Variants in SNX32 observed in about 807,000 individuals in gnomAD.
The protein encoded by SNX32 is sorting nexin-32.
SNX32 carries 58 observed loss-of-function variants against 57.0 expected under a neutral mutation model. That is an observed-to-expected ratio of 1.02 (90% CI 0.82 to 1.27). SNX32 has a LOEUF of 1.27. Ranked by LOEUF, SNX32 falls within the 50% of genes most tolerant of loss-of-function variation. The probability of loss-of-function intolerance (pLI) is 0.00; values close to 1 mark genes in which losing one functional copy is unlikely to be tolerated. For synonymous variants in SNX32, 262 were observed against 220.4 expected (o/e 1.19, Z -1.67); for missense variants, 589 against 541.2 (o/e 1.09, Z -0.88).
chr11:65,852,875 C>T lies in SNX32; in HGVS notation c.1075C>T (p.Leu359Phe), dbSNP rs1859258024. The change falls in exon 12 of 13, where the codon CTC becomes TTC. Residue 359 changes from leucine (L) to phenylalanine (F), a missense_variant and splice_region_variant. Physicochemically the swap from Leu to Phe is conservative, Grantham distance 22. Transcript: ENST00000308342. ...ERLSDSAKQELMDFKSRRVSS... is the reference protein window; with the variant it reads ...ERLSDSAKQEFMDFKSRRVSS... ...ATGCCTCTTCCCCTCCTCTCCAGAG[C>T]TCATGGACTTCAAGTCCCGCCGGGT... 5 of 1,614,036 alleles carry T rather than the reference C, an allele frequency of 3.1e-6. No homozygotes were observed. Among genetic ancestry groups the T allele is most frequent in the Non-Finnish European group, 4.2e-6 (5 of 1,179,986 alleles).
At chr11:65,845,202 G>A (rs1256203237) in intron 1 of SNX32, among the ~76,000 whole-genome samples, 1 of 151,360 alleles carries the variant, frequency 6.6e-6, no homozygotes, top group African/African-American at 2.4e-5. Flanking sequence ...CACTTTGGGA[G>A]GCCGAGGCGG....
chr11:65,844,974 A>C (rs1288877328), intron 1 of SNX32, among the ~76,000 whole-genome samples: 2 of 151,152 alleles, frequency 1.3e-5, no homozygotes, highest in Non-Finnish European at 3.0e-5. Context: ...TCAAAAAAAA[A>C]AAAAAAAGTC....
In SNX32 at chr11:65,853,311, T is replaced by C; in HGVS notation, c.1188T>C (p.Leu396=). 6.2e-7 allele frequency: 1 copy of C among 1,614,076 alleles called. No homozygotes were observed. The highest frequency in any genetic ancestry group is 8.5e-7 in the Non-Finnish European group (1 of 1,179,990). The change falls in exon 13 of 13, where the codon CTT becomes CTC. Residue 396 remains leucine, a synonymous_variant. Coordinates refer to ENST00000308342, the MANE Select transcript of SNX32 (RefSeq NM_152760.3). ...KASTLILRNT[L]VALKGEP Reference sequence around the variant, plus strand: ...GCACCCTGATTCTCCGGAACACCCTTGTTGCCCTAAAGGGGGAGCCTTAGA... The same window carrying C: ...GCACCCTGATTCTCCGGAACACCCTCGTTGCCCTAAAGGGGGAGCCTTAGA...
At chr11:65,849,839 G>A in intron 2 of SNX32, 81 bp from the exon 3 acceptor site, 2 of 1,143,766 alleles carry the variant, frequency 1.7e-6, no homozygotes, top group East Asian at 5.0e-5. Context: ...GGGATGAGGG[G>A]GGCCCAAAAG....
chr11:65,834,136 C>G, intron 1 of SNX32, 35 bp downstream of exon 1: 1 of 1,548,296 alleles, frequency 6.5e-7, no homozygotes, highest in Non-Finnish European at 8.7e-7. Context: ...CCCCAGCCTC[C>G]CCTCACTCCA....
At chr11:65,839,215 ATTTTTTTGTATT>A (rs1858753433) in intron 1 of SNX32, among the ~76,000 whole-genome samples, 1 of 19,514 alleles carries the variant, frequency 5.1e-5, no homozygotes, top group Non-Finnish European at 1.2e-4. Context: ...CGCCCAGCTA[ATTTTTTTGTATT>A]TTTTTTTTTT....
chr11:65,849,528 G>A lies in SNX32; in HGVS notation c.87G>A (p.Glu29=), dbSNP rs145234691. 4.2e-5 allele frequency: 67 copies of A among 1,614,208 alleles called. 1 individual carries two copies. The African/African-American group carries it at 7.1e-4, about 17-fold the overall frequency. ...AGGGAGACAGCTCCTTACAGGTGGA[G>A]ATTTCTGACGCAGTGAGTGAGCGGG... is the stretch of plus-strand genomic sequence containing the variant. ...DLQGDSSLQV[E]ISDAVSERDK... The change falls in exon 2 of 13, where the codon GAG becomes GAA. Residue 29 remains glutamate (E), a synonymous_variant. Transcript: ENST00000308342.
chr11:65,852,826 ATGCCC>A, intron 11 of SNX32, 37 bp downstream of exon 11: 1 of 1,612,044 alleles, frequency 6.2e-7, no homozygotes, highest in Non-Finnish European at 8.5e-7. Context: ...CTGGGGCCAC[ATGCCC>A]TGCCCTGCCC....
At chr11:65,849,748 C>T (rs1267697397) in intron 2 of SNX32, 166 bp downstream of exon 2, 1 of 767,902 alleles carries the variant, frequency 1.3e-6, no homozygotes, top group East Asian at 2.7e-5. Context: ...TGCCTAAGGC[C>T]CCGAGTCCTA....
At chr11:65,838,295 T>C (rs1408705575) in intron 1 of SNX32, among the ~76,000 whole-genome samples, 5 of 152,162 alleles carry the variant, frequency 3.3e-5, no homozygotes, top group Non-Finnish European at 7.3e-5. Flanking sequence ...CAATCCTAAA[T>C]TTATAGGCAC....
chr11:65,847,843 G>C (rs1362813637), intron 1 of SNX32, among the ~76,000 whole-genome samples: 5 of 151,808 alleles, frequency 3.3e-5, no homozygotes, highest in African/African-American at 1.2e-4. Context: ...TTGGGAGGCA[G>C]AGTTTGCAGT....
At chr11:65,841,497 C>G (rs1401509416) in intron 1 of SNX32, among the ~76,000 whole-genome samples, 1 of 152,114 alleles carries the variant, frequency 6.6e-6, no homozygotes, top group Non-Finnish European at 1.5e-5. Flanking sequence ...CTCAGCCTTC[C>G]AAAGTGCTGG....
At position 65,850,861 on chromosome 11, in the gene SNX32, C is replaced by A. The variant is rs2510029; in HGVS notation, c.603+6C>A. 6.2e-7 allele frequency: 1 copy of A among 1,610,042 alleles called. No homozygotes were observed. Among genetic ancestry groups the A allele is most frequent in the South Asian group, 1.1e-5 (1 of 90,788 alleles). ...CGGGCATGTCAGGGCTCAAGGTAAC[C>A]CCTGGTGCTCCTCTCCGGATTCAAC... On this transcript the variant is annotated splice_donor_region_variant and intron_variant, in intron 6 of 12. Transcript: ENST00000308342.
chr11:65,851,415 C>A lies in SNX32; in HGVS notation c.785+12C>A. The A allele has an allele frequency of 6.2e-7, 1 of 1,613,734 alleles. No homozygotes were observed. On this transcript the variant is annotated intron_variant, in intron 8 of 12. Coordinates refer to ENST00000308342, the MANE Select transcript of SNX32 (RefSeq NM_152760.3). ...AACCAGCTAAGGACGTGAGGACTCC[C>A]CCCACCCCTACCCTCTCCCTGTGCC...
At chr11:65,840,803 CA>C (rs11375479) in intron 1 of SNX32, among the ~76,000 whole-genome samples, 387 of 132,082 alleles carry the variant, frequency 2.9e-3, no homozygotes, top group Admixed American at 8.1e-3. Context: ...GACCCTGTCT[CA>C]AAAAAAAAAA....
Position 65,853,087 on chromosome 11 carries a change from G to A in SNX32, c.1158+129G>A, listed in dbSNP as rs1051113042. ...TGTATGCGCGTGTGTGTGCATGAGA[G>A]GAGCCCCAGCTAAGGCTTGGGGCCA... On this transcript the variant is annotated intron_variant, in intron 12 of 12. Coordinates refer to ENST00000308342, the MANE Select transcript of SNX32 (RefSeq NM_152760.3). 8 of 1,276,458 alleles carry A rather than the reference G, an allele frequency of 6.3e-6. No homozygotes were observed. The African/African-American group carries it at 7.3e-5, about 12-fold the overall frequency. The allele number at this position is 1,276,458 out of a possible 1,614,324, so 79.1% of individuals were successfully genotyped here. A position where few individuals can be genotyped will look rare whatever the true frequency, so the allele number is the denominator to read the frequency against.
rs781781312 is a variant in SNX32 at position 65,852,518 on chromosome 11, G to GA, written c.880dup (p.Arg294LysfsTer6). 1.6e-5 allele frequency: 26 copies of GA among 1,614,142 alleles called. No individual in the cohort carries two copies. The highest frequency in any genetic ancestry group is 2.1e-5 in the Non-Finnish European group (25 of 1,180,060). On this transcript the variant is annotated frameshift_variant, in exon 10 of 13. Coordinates refer to ENST00000308342, the MANE Select transcript of SNX32 (RefSeq NM_152760.3). LOFTEE classifies it high-confidence loss of function. ...AGGACCTGAAGCTGTCAGACATGCT[G>GA]AGGTACTACATGCGTGACTCACAGG...
At chr11:65,834,727 AGT>A (rs1172811064) in intron 1 of SNX32, among the ~76,000 whole-genome samples, 1 of 120,984 alleles carries the variant, frequency 8.3e-6, no homozygotes, top group South Asian at 2.7e-4. Context: ...TTTGTGTCTG[AGT>A]GTGTGTCTGT....
At chr11:65,842,969 A>AAAAG (rs1565248176) in intron 1 of SNX32, among the ~76,000 whole-genome samples, 1 of 148,104 alleles carries the variant, frequency 6.8e-6, no homozygotes, top group African/African-American at 2.5e-5. Flanking sequence ...AAAAAAAAAA[A>AAAAG]AAAGAAACAC....
Sources: gnomAD v4.1 joint callset for allele counts (sites outside exome capture counted in the v4.1 genomes callset) on GRCh38, gnomAD v4.1.1 for gene constraint, MANE v1.5 for transcripts, NCBI Gene and HGNC (gene_info 2026-07-23, HGNC 2026-07-21) for gene names.